Variants in FBXW10 observed in about 807,000 individuals in gnomAD.
FBXW10 encodes the protein F-box and WD repeat domain containing 10, also known as F-box/WD repeat-containing protein 10.
In FBXW10, 68 loss-of-function variants were observed where a neutral mutation model predicts 113.1. The observed-to-expected ratio is 0.60, with a 90% confidence interval of 0.49 to 0.74. The LOEUF is 0.74. Ranked by LOEUF, FBXW10 falls within the 30% of genes least tolerant of loss-of-function variation. FBXW10 has a pLI of 0.00. For missense variants in FBXW10, 753 were observed against 1,284.5 expected (o/e 0.59, Z 6.32); for synonymous variants, 289 against 481.6 (o/e 0.60, Z 5.24).
chr17:18,751,484 C>G (rs1238643998), intron 5 of FBXW10, among the ~76,000 whole-genome samples: 1 of 152,208 alleles, frequency 6.6e-6, no homozygotes, highest in Non-Finnish European at 1.5e-5. Flanking sequence ...CCCGCCTCGG[C>G]CTCCCAAAGT....
intron 1 of FBXW10, among the ~76,000 whole-genome samples, chr17:18,745,616 A>G (rs1169391375): frequency 6.6e-6 from 1 of 152,020 alleles, no homozygotes; most frequent in Non-Finnish European, 1.5e-5. Flanking sequence ...GGGTTTCACC[A>G]TGCTGGCCAG....
chr17:18,744,892 C>T, intron 1 of FBXW10, 143 bp downstream of exon 1: 1 of 1,478,262 alleles, frequency 6.8e-7, no homozygotes, highest in South Asian at 1.4e-5. Context: ...TGAACTGACA[C>T]CTTGTCCTGA....
intron 4 of FBXW10, among the ~76,000 whole-genome samples, chr17:18,750,630 A>ATT (rs55815282): frequency 4.9e-4 from 75 of 151,704 alleles, no homozygotes; most frequent in African/African-American, 1.6e-3. Flanking sequence ...GGTAACTTGG[A>ATT]TTTTTTTTCC....
At chr17:18,763,557 G>A (rs1372846752) in intron 7 of FBXW10, among the ~76,000 whole-genome samples, 5 of 151,932 alleles carry the variant, frequency 3.3e-5, no homozygotes, top group Admixed American at 6.6e-5. Context: ...TGATGGCCCT[G>A]GGAATGGACT....
At chr17:18,768,051 CTTCTTTCT>C (rs1555537895) in intron 9 of FBXW10, among the ~76,000 whole-genome samples, 3 of 91,708 alleles carry the variant, frequency 3.3e-5, no homozygotes, top group African/African-American at 1.2e-4. Flanking sequence ...TCCTTCCTTC[CTTCTTTCT>C]TTCTTTCTTT....
chr17:18,764,145 C>T (rs1396034327), intron 7 of FBXW10, among the ~76,000 whole-genome samples: 1 of 144,776 alleles, frequency 6.9e-6, no homozygotes, highest in Admixed American at 6.9e-5. Flanking sequence ...CCAAGATTGA[C>T]AATCACTGTA....
chr17:18,747,522 C>T (rs567006874), intron 1 of FBXW10, among the ~76,000 whole-genome samples: 47 of 152,226 alleles, frequency 3.1e-4, no homozygotes, highest in Admixed American at 2.7e-3. Flanking sequence ...AGCCATTGCA[C>T]TCCACCCTGG....
intron 5 of FBXW10, among the ~76,000 whole-genome samples, chr17:18,752,254 C>G (rs550859873): frequency 6.6e-6 from 1 of 152,240 alleles, no homozygotes; most frequent in South Asian, 2.1e-4. Flanking sequence ...AGCTGCTCAT[C>G]AGTTCTGGCT....
intron 7 of FBXW10, among the ~76,000 whole-genome samples, chr17:18,763,973 G>T (rs2035436751): frequency 6.8e-6 from 1 of 146,080 alleles, no homozygotes; most frequent in African/African-American, 2.6e-5. Context: ...GCCATCTGGG[G>T]CTGGGAAATT....
chr17:18,755,380 C>A (rs2035240932), intron 5 of FBXW10, among the ~76,000 whole-genome samples: 1 of 152,058 alleles, frequency 6.6e-6, no homozygotes, highest in Non-Finnish European at 1.5e-5. Flanking sequence ...CATGGTGAAA[C>A]CCTGTCTCTA....
At chr17:18,746,382 G>C (rs2035037655) in intron 1 of FBXW10, among the ~76,000 whole-genome samples, 1 of 152,130 alleles carries the variant, frequency 6.6e-6, no homozygotes, top group African/African-American at 2.4e-5. Flanking sequence ...AGAAAGCTGG[G>C]AGGGGGTGGT....
chr17:18,751,513 A>G (rs1360268328), intron 5 of FBXW10, among the ~76,000 whole-genome samples: 4 of 152,138 alleles, frequency 2.6e-5, no homozygotes, highest in Admixed American at 1.3e-4. Flanking sequence ...TACAGGCGTG[A>G]GCCACCGCGC....
Position 18,751,022 on chromosome 17 carries a change from T to C in FBXW10, c.1091T>C (p.Val364Ala). Residue 364 changes from valine (V) to alanine (A), a missense_variant, in exon 5 of 14, where the codon GTG (valine) becomes GCG (alanine). By Grantham distance (64) the Val-to-Ala change is moderately conservative (BLOSUM62 0). Coordinates refer to ENST00000395665, the MANE Select transcript of FBXW10 (RefSeq NM_001267585.2). ...KMVDDGKSMR[V>A]KHPKWKLRTK... ...GTAGATGACGGGAAGAGCATGCGTG[T>C]GAAACATCCGAAGTGGAAGCTGAGA... is the stretch of plus-strand genomic sequence containing the variant. 6.2e-7 allele frequency: 1 copy of C among 1,614,074 alleles called. No homozygotes were observed. The highest frequency in any genetic ancestry group is 1.1e-5 in the South Asian group (1 of 91,070).
At chr17:18,753,620 C>T (rs1488053462) in intron 5 of FBXW10, among the ~76,000 whole-genome samples, 2 of 152,154 alleles carry the variant, frequency 1.3e-5, no homozygotes, top group Non-Finnish European at 2.9e-5. Flanking sequence ...TGCCTGTAAT[C>T]CCAGCACTTT....
intron 5 of FBXW10, among the ~76,000 whole-genome samples, chr17:18,752,188 A>G (rs568954590): frequency 5.9e-5 from 9 of 152,238 alleles, no homozygotes; most frequent in Non-Finnish European, 1.2e-4. Flanking sequence ...TCGTGTGGGC[A>G]GTAGCGGACG....
At chr17:18,773,179 C>T (rs907902465) in intron 12 of FBXW10, among the ~76,000 whole-genome samples, 4 of 151,946 alleles carry the variant, frequency 2.6e-5, no homozygotes, top group African/African-American at 7.3e-5. Flanking sequence ...GTGATCCTCC[C>T]GGCTTGGCTT....
chr17:18,751,791 G>T lies in FBXW10; in HGVS notation c.1122+738G>T, dbSNP rs574696922. 2.0e-5 allele frequency among the ~76,000 whole-genome samples: 3 copies of T among 152,326 alleles called. No individual in the cohort carries two copies. In the South Asian group the frequency reaches 6.2e-4, roughly 32 times the overall value. On this transcript the variant is annotated intron_variant, in intron 5 of 13. Coordinates refer to ENST00000395665, the MANE Select transcript of FBXW10 (RefSeq NM_001267585.2). The stretch of plus-strand genomic sequence containing the variant: ...CTGGTTCCAGAATGCCTAGGGCCTA[G>T]ACGAATTCGGCTCCCTCATCCCTCA...
rs758802594 is a variant in FBXW10 at position 18,744,305 on chromosome 17, G to C, written c.61G>C (p.Asp21His). ...APYFRCEKGT[D>H]SIPLCRKCET... ...CTATTTTCGTTGTGAGAAGGGAACC[G>C]ATTCCATCCCTCTATGCCGGAAGTG... is the stretch of plus-strand genomic sequence containing the variant. Residue 21 changes from aspartate (D) to histidine (H), a missense_variant, in exon 1 of 14, where the codon GAT (aspartate) becomes CAT (histidine). Asp to His is a moderately conservative substitution (Grantham distance 81). Coordinates refer to ENST00000395665, the MANE Select transcript of FBXW10 (RefSeq NM_001267585.2). 21 of 1,612,742 alleles carry C rather than the reference G, an allele frequency of 1.3e-5. No individual in the cohort carries two copies. In the Admixed American group the frequency reaches 2.0e-4, roughly 15 times the overall value.
At chr17:18,760,903 C>T (rs1176365133) in intron 7 of FBXW10, among the ~76,000 whole-genome samples, 3 of 150,654 alleles carry the variant, frequency 2.0e-5, no homozygotes, top group Non-Finnish European at 4.4e-5. Context: ...ATATTTTCTT[C>T]TATCAACATT....
Sources: gnomAD v4.1 joint callset for allele counts (sites outside exome capture counted in the v4.1 genomes callset) on GRCh38, gnomAD v4.1.1 for gene constraint, MANE v1.5 for transcripts, NCBI Gene and HGNC (gene_info 2026-07-23, HGNC 2026-07-21) for gene names.